CTNNA3: variants seen among roughly 807,000 people sequenced by gnomAD.
CTNNA3 encodes the protein catenin alpha 3, also known as catenin alpha-3.
Under a neutral mutation model 95.7 loss-of-function variants are expected in CTNNA3, and 76 were observed. That is an observed-to-expected ratio of 0.79 (90% CI 0.66 to 0.96). The LOEUF (loss-of-function observed/expected upper bound fraction) is 0.96, where lower values mean the gene tolerates loss of function less well. Among genes scored for constraint, CTNNA3 ranks in the 40% least tolerant of loss-of-function variants. The pLI is 0.00. For synonymous variants in CTNNA3, 431 were observed against 374.4 expected (o/e 1.15, Z -1.74); for missense variants, 1,191 against 1,089.8 (o/e 1.09, Z -1.31).
intron 7 of CTNNA3, among the ~76,000 whole-genome samples, chr10:66,818,891 A>G (rs1173094154): frequency 6.6e-6 from 1 of 152,050 alleles, no homozygotes; most frequent in South Asian, 2.1e-4. Flanking sequence ...GGAGTTTGAG[A>G]CCAGCCTGGC....
At chr10:67,401,730 G>T (rs1844932552) in intron 5 of CTNNA3, among the ~76,000 whole-genome samples, 1 of 152,156 alleles carries the variant, frequency 6.6e-6, no homozygotes, top group African/African-American at 2.4e-5. Flanking sequence ...AGCTGCAAAT[G>T]TTAACATAGA....
At chr10:66,125,973 G>A (rs1258857892) in intron 13 of CTNNA3, among the ~76,000 whole-genome samples, 2 of 152,110 alleles carry the variant, frequency 1.3e-5, no homozygotes, top group African/African-American at 4.8e-5. Context: ...AGCACAAAGA[G>A]TAAACCTCAA....
intron 7 of CTNNA3, among the ~76,000 whole-genome samples, chr10:66,923,990 T>C (rs1209552350): frequency 1.3e-5 from 2 of 152,216 alleles, no homozygotes; most frequent in Non-Finnish European, 2.9e-5. Context: ...CATCTCAGTA[T>C]TATAAGTGTG....
chr10:65,993,058 C>A (rs2078577116), intron 15 of CTNNA3, among the ~76,000 whole-genome samples: 1 of 151,970 alleles, frequency 6.6e-6, no homozygotes, highest in Admixed American at 6.6e-5. Flanking sequence ...TCCAAAATTC[C>A]TCTTTTTACT....
At chr10:67,509,365 C>T (rs187003833) in intron 5 of CTNNA3, among the ~76,000 whole-genome samples, 2 of 152,194 alleles carry the variant, frequency 1.3e-5, no homozygotes, top group Admixed American at 1.3e-4. Context: ...CGACAGGCCT[C>T]GGTGTGTGAT....
intron 7 of CTNNA3, among the ~76,000 whole-genome samples, chr10:67,125,515 TA>T (rs979923747): frequency 6.6e-6 from 1 of 152,192 alleles, no homozygotes; most frequent in African/African-American, 2.4e-5. Flanking sequence ...TCCTCAAACT[TA>T]CATCTATGAA....
At chr10:66,414,017 C>A (rs950038268) in intron 11 of CTNNA3, among the ~76,000 whole-genome samples, 1 of 152,150 alleles carries the variant, frequency 6.6e-6, no homozygotes, top group African/African-American at 2.4e-5. Context: ...TCCTTCCTTC[C>A]TTACAGATAT....
chr10:66,958,460 CT>C (rs34122059), intron 7 of CTNNA3, among the ~76,000 whole-genome samples: 141,600 of 151,544 alleles, frequency 0.93, 66,617 homozygotes, highest in Non-Finnish European at 0.99. Flanking sequence ...AAATAAAAAG[CT>C]TTTTTTTTTA....
intron 5 of CTNNA3, among the ~76,000 whole-genome samples, chr10:67,257,368 A>G (rs1389295798): frequency 2.6e-5 from 4 of 152,246 alleles, no homozygotes; most frequent in African/African-American, 9.6e-5. Flanking sequence ...TTCAGTTTAA[A>G]CTAGGAAAGG....
chr10:67,377,596 C>T (rs2132720973), intron 5 of CTNNA3, among the ~76,000 whole-genome samples: 1 of 150,498 alleles, frequency 6.6e-6, no homozygotes, highest in South Asian at 2.1e-4. Flanking sequence ...GATGTTTTTG[C>T]TCTAACTATT....
chr10:66,095,332 C>A (rs1042047218), intron 14 of CTNNA3, among the ~76,000 whole-genome samples: 2 of 151,900 alleles, frequency 1.3e-5, no homozygotes, highest in African/African-American at 2.4e-5. Context: ...AGAGTTACTG[C>A]CAAACATAAA....
intron 3 of CTNNA3, among the ~76,000 whole-genome samples, chr10:67,562,252 C>A (rs1213992283): frequency 6.6e-6 from 1 of 152,104 alleles, no homozygotes; most frequent in Non-Finnish European, 1.5e-5. Context: ...AAAATACTGG[C>A]AAACTGAATC....
intron 2 of CTNNA3, among the ~76,000 whole-genome samples, chr10:67,615,735 T>C (rs1171625512): frequency 6.9e-6 from 1 of 144,348 alleles, no homozygotes; most frequent in East Asian, 2.2e-4. Flanking sequence ...CTATCTTGGC[T>C]CACTGCAACC....
intron 11 of CTNNA3, among the ~76,000 whole-genome samples, chr10:66,400,328 T>C (rs1431496141): frequency 6.6e-6 from 1 of 152,058 alleles, no homozygotes; most frequent in Non-Finnish European, 1.5e-5. Flanking sequence ...TAATTAGTAA[T>C]TTTTATCATT....
intron 10 of CTNNA3, among the ~76,000 whole-genome samples, chr10:66,558,835 A>G (rs1348899185): frequency 6.6e-6 from 1 of 152,130 alleles, no homozygotes; most frequent in Non-Finnish European, 1.5e-5. Context: ...TTTCACATTC[A>G]CAGTTTTAAT....
chr10:67,341,628 T>C (rs1842194771), intron 5 of CTNNA3, among the ~76,000 whole-genome samples: 1 of 152,220 alleles, frequency 6.6e-6, no homozygotes, highest in Non-Finnish European at 1.5e-5. Flanking sequence ...CCAAATTTTG[T>C]CTATTGTGAA....
chr10:67,045,734 G>GC (rs1288864772), intron 7 of CTNNA3, among the ~76,000 whole-genome samples: 2 of 152,074 alleles, frequency 1.3e-5, no homozygotes, highest in Admixed American at 6.5e-5. Context: ...ACCAGCCAAG[G>GC]CCCCCCTCTG....
intron 13 of CTNNA3, among the ~76,000 whole-genome samples, chr10:66,195,933 T>C (rs1356668389): frequency 6.6e-6 from 1 of 152,136 alleles, no homozygotes; most frequent in Non-Finnish European, 1.5e-5. Context: ...TGTGTAAAAA[T>C]ATCGATCTAT....
intron 12 of CTNNA3, among the ~76,000 whole-genome samples, chr10:66,365,369 A>C (rs190261051): frequency 4.6e-5 from 7 of 152,208 alleles, no homozygotes; most frequent in Admixed American, 4.6e-4. Context: ...GGAACATCAC[A>C]CACCAGGACC....
Sources: allele counts gnomAD v4.1 joint callset (sites outside exome capture counted in the v4.1 genomes callset), GRCh38; gene constraint gnomAD v4.1.1; transcripts MANE v1.5; gene names NCBI Gene and HGNC (gene_info 2026-07-23, HGNC 2026-07-21).